Variants in PRKCA observed in about 807,000 individuals in gnomAD.
PRKCA encodes the protein protein kinase C alpha, also known as protein kinase C alpha type.
In PRKCA, 27 loss-of-function variants were observed where a neutral mutation model predicts 87.0. That is an observed-to-expected ratio of 0.31 (90% CI 0.23 to 0.43). The LOEUF is 0.43. PRKCA is among the 20% of genes least tolerant of loss of function. PRKCA has a pLI of 1.00. For synonymous variants in PRKCA, 329 were observed against 311.1 expected, an observed-to-expected ratio of 1.06 and a Z score of -0.61; for missense variants, 518 against 852.3, an observed-to-expected ratio of 0.61 and a Z score of 4.88.
chr17:66,637,986 C>G (rs1469289361), intron 3 of PRKCA, among the ~76,000 whole-genome samples: 1 of 152,144 alleles, frequency 6.6e-6, no homozygotes. Flanking sequence ...TTGTGGCCCA[C>G]ACAGTCTCTG....
chr17:66,565,905 AGTT>A (rs1968875344), intron 3 of PRKCA, among the ~76,000 whole-genome samples: 1 of 152,096 alleles, frequency 6.6e-6, no homozygotes, highest in Non-Finnish European at 1.5e-5. Flanking sequence ...GGGAAATCAA[AGTT>A]GACTACCACA....
intron 3 of PRKCA, among the ~76,000 whole-genome samples, chr17:66,631,585 A>G (rs1971013257): frequency 6.6e-6 from 1 of 152,168 alleles, no homozygotes; most frequent in South Asian, 2.1e-4. Context: ...CACCTAGCTT[A>G]TCTTTTTTTA....
chr17:66,581,320 CA>C (rs1969423873), intron 3 of PRKCA, among the ~76,000 whole-genome samples: 2 of 152,192 alleles, frequency 1.3e-5, no homozygotes, highest in South Asian at 4.1e-4. Context: ...AATATATGCA[CA>C]AATGAGGCTG....
At chr17:66,421,604 C>T (rs1417637508) in intron 2 of PRKCA, among the ~76,000 whole-genome samples, 1 of 151,930 alleles carries the variant, frequency 6.6e-6, no homozygotes, top group Non-Finnish European at 1.5e-5. Flanking sequence ...ACCATCTCAG[C>T]TCACTGCAGC....
At chr17:66,592,419 T>C (rs1353751401) in intron 3 of PRKCA, among the ~76,000 whole-genome samples, 1 of 148,662 alleles carries the variant, frequency 6.7e-6, no homozygotes, top group Non-Finnish European at 1.5e-5. Flanking sequence ...ACACCCACCC[T>C]CCTCAAAAAA....
intron 2 of PRKCA, among the ~76,000 whole-genome samples, chr17:66,308,271 TC>T (rs1290073158): frequency 1.3e-5 from 2 of 152,182 alleles, no homozygotes; most frequent in African/African-American, 4.8e-5. Flanking sequence ...TAATGGGACT[TC>T]CTCTTCATTT....
intron 8 of PRKCA, among the ~76,000 whole-genome samples, chr17:66,725,734 C>CAGG (rs896150857): frequency 6.6e-6 from 1 of 150,952 alleles, no homozygotes; most frequent in African/African-American, 2.4e-5. Flanking sequence ...CACTTGAGGT[C>CAGG]AGGAGGTTGA....
intron 16 of PRKCA, among the ~76,000 whole-genome samples, chr17:66,800,075 C>T (rs571047130): frequency 2.3e-4 from 35 of 152,320 alleles, no homozygotes; most frequent in African/African-American, 7.0e-4. Flanking sequence ...ATTTCTGTCC[C>T]GTGGTTGATG....
intron 2 of PRKCA, among the ~76,000 whole-genome samples, chr17:66,333,653 G>A (rs1004971446): frequency 6.6e-6 from 1 of 152,096 alleles, no homozygotes; most frequent in African/African-American, 2.4e-5. Context: ...GGGAGGGAGT[G>A]AGACTGAAGG....
intron 3 of PRKCA, among the ~76,000 whole-genome samples, chr17:66,632,427 T>A (rs879748702): frequency 1.8e-4 from 28 of 152,170 alleles, no homozygotes; most frequent in Non-Finnish European, 3.4e-4. Context: ...TTACCCAGGC[T>A]GGAGTGCAGT....
At chr17:66,595,586 A>G (rs1055193095) in intron 3 of PRKCA, among the ~76,000 whole-genome samples, 1 of 150,862 alleles carries the variant, frequency 6.6e-6, no homozygotes, top group African/African-American at 2.4e-5. Flanking sequence ...CAGCCTCCCA[A>G]GTAGCTGGGA....
intron 2 of PRKCA, among the ~76,000 whole-genome samples, chr17:66,340,839 A>G (rs544051580): frequency 6.6e-6 from 1 of 152,248 alleles, no homozygotes; most frequent in African/African-American, 2.4e-5. Context: ...TTGGCAATTG[A>G]GAAGGTAGGG....
At chr17:66,524,986 C>T (rs1373101187) in intron 3 of PRKCA, among the ~76,000 whole-genome samples, 1 of 152,222 alleles carries the variant, frequency 6.6e-6, no homozygotes, top group Non-Finnish European at 1.5e-5. Context: ...GTGTCTTTGC[C>T]ATGCTTTCAG....
intron 3 of PRKCA, among the ~76,000 whole-genome samples, chr17:66,587,895 G>GTATATATATATA (rs71160580): frequency 1.5e-4 from 13 of 85,388 alleles, no homozygotes; most frequent in South Asian, 4.5e-4. Context: ...GTGTGTGTGT[G>GTATATATATATA]TATATATATA....
intron 2 of PRKCA, among the ~76,000 whole-genome samples, chr17:66,393,437 C>T (rs1054788428): frequency 6.6e-6 from 1 of 152,148 alleles, no homozygotes; most frequent in Non-Finnish European, 1.5e-5. Context: ...CATTTGCAGC[C>T]ATCTCAATTT....
intron 14 of PRKCA, among the ~76,000 whole-genome samples, chr17:66,780,400 G>A: frequency 6.6e-6 from 1 of 152,150 alleles, no homozygotes; most frequent in Non-Finnish European, 1.5e-5. Context: ...TAAGAGGCTG[G>A]GTACGGTGGT....
chr17:66,747,784 C>T (rs969484143), intron 13 of PRKCA, among the ~76,000 whole-genome samples: 3 of 152,204 alleles, frequency 2.0e-5, no homozygotes, highest in Non-Finnish European at 4.4e-5. Flanking sequence ...AATTGCATTC[C>T]AGCTGTTATC....
chr17:66,800,868 A>AT (rs1172328925), intron 16 of PRKCA, among the ~76,000 whole-genome samples: 2 of 152,104 alleles, frequency 1.3e-5, no homozygotes, highest in African/African-American at 2.4e-5. Context: ...CTTTTATTAG[A>AT]TTTTTTCCAG....
intron 3 of PRKCA, among the ~76,000 whole-genome samples, chr17:66,541,366 C>T (rs767607108): frequency 6.6e-6 from 1 of 152,116 alleles, no homozygotes; most frequent in Non-Finnish European, 1.5e-5. Context: ...GACCTTTGCC[C>T]GAGCCAAGGG....
Sources: allele counts gnomAD v4.1 joint callset (sites outside exome capture counted in the v4.1 genomes callset), GRCh38; gene constraint gnomAD v4.1.1; transcripts MANE v1.5; gene names NCBI Gene and HGNC (gene_info 2026-07-23, HGNC 2026-07-21).